The following CC2D2B variants were observed in gnomAD, a reference collection of about 807,000 sequenced individuals.
CC2D2B encodes the protein protein CC2D2B.
A neutral mutation model predicts 161.2 loss-of-function variants in CC2D2B; 128 were observed. The ratio of observed to expected loss-of-function variants is 0.79; its 90% CI spans 0.69 to 0.92. The LOEUF (loss-of-function observed/expected upper bound fraction) is 0.92. Ranked by LOEUF, CC2D2B falls within the 40% of genes least tolerant of loss-of-function variation. The probability of loss-of-function intolerance (pLI) is 0.00; values close to 1 mark genes in which losing one functional copy is unlikely to be tolerated. For missense variants in CC2D2B, 1,173 were observed against 1,375.1 expected (o/e 0.85, Z 2.32); for synonymous variants, 391 against 449.8 (o/e 0.87, Z 1.65).
At chr10:95,926,622 C>T (rs1017064883) in intron 5 of CC2D2B, among the ~76,000 whole-genome samples, 5 of 151,650 alleles carry the variant, frequency 3.3e-5, no homozygotes, top group Admixed American at 6.6e-5. Context: ...AGAATTGATT[C>T]CTTTCCCAAG....
chr10:95,999,875 G>C (rs1472488387), intron 24 of CC2D2B: 1 of 485,094 alleles, frequency 2.1e-6, no homozygotes, highest in African/African-American at 2.0e-5. Flanking sequence ...TGGCACTTCA[G>C]TTGAACCCAG....
chr10:95,999,938 G>A (rs530273165), intron 24 of CC2D2B: 16 of 541,902 alleles, frequency 3.0e-5, no homozygotes, highest in Non-Finnish European at 5.0e-5. Flanking sequence ...CGTGTTTCGG[G>A]AAGCTATCTC....
At chr10:95,963,798 T>C (rs2076849480) in intron 12 of CC2D2B, among the ~76,000 whole-genome samples, 2 of 152,170 alleles carry the variant, frequency 1.3e-5, no homozygotes, top group Non-Finnish European at 2.9e-5. Flanking sequence ...TGGAGGTTAT[T>C]GATAATCTCA....
chr10:95,925,128 G>A (rs1590363064), intron 5 of CC2D2B, among the ~76,000 whole-genome samples: 1 of 152,238 alleles, frequency 6.6e-6, no homozygotes, highest in East Asian at 1.9e-4. Context: ...AACATTAAAA[G>A]TTTAAAGAGT....
intron 15 of CC2D2B, among the ~76,000 whole-genome samples, chr10:95,969,866 G>C (rs1371274605): frequency 6.6e-6 from 1 of 152,002 alleles, no homozygotes; most frequent in South Asian, 2.1e-4. Flanking sequence ...AGGTAAATGT[G>C]TATTTTGAGT....
chr10:95,999,932 T>G, intron 24 of CC2D2B: 1 of 531,942 alleles, frequency 1.9e-6, no homozygotes, highest in Non-Finnish European at 3.5e-6. Flanking sequence ...CCTTCACGTG[T>G]TTCGGGAAGC....
chr10:95,961,655 T>A (rs998405727), intron 11 of CC2D2B, 174 bp from the exon 12 acceptor site: 3 of 387,504 alleles, frequency 7.7e-6, no homozygotes, highest in Non-Finnish European at 1.4e-5. Context: ...TCTAATGGAA[T>A]TGCAGTGGGT....
At position 96,019,746 on chromosome 10, in the gene CC2D2B, T is replaced by A. The variant is rs2079372023; in HGVS notation, c.3810T>A (p.Phe1270Leu). 1.2e-6 allele frequency: 2 copies of A among 1,601,482 alleles called. No individual in the cohort carries two copies. Among genetic ancestry groups the A allele is most frequent in the African/African-American group, 1.4e-5 (1 of 73,988 alleles). Reference sequence around the variant, plus strand: ...AAAATAATACACCAATGGCTGTATTTTTTGACTATTCAAAGGAAAGTTTCT... The same window carrying A: ...AAAATAATACACCAATGGCTGTATTATTTGACTATTCAAAGGAAAGTTTCT... ...IQQNNTPMAV[F>L]FDYSKESFWK... The change falls in exon 32 of 35, where the codon TTT (phenylalanine) becomes TTA (leucine). Residue 1270 changes from phenylalanine (F) to leucine (L), a missense_variant. By Grantham distance (22) the Phe-to-Leu change is conservative (BLOSUM62 0). Transcript: ENST00000646931.
chr10:95,995,461 G>C, intron 23 of CC2D2B, 96 bp downstream of exon 23: 1 of 627,770 alleles, frequency 1.6e-6, no homozygotes, highest in Non-Finnish European at 2.5e-6. Flanking sequence ...TATTTTCTTT[G>C]GCTTCCAGTT....
At chr10:95,981,622 C>T (rs1220267951) in intron 17 of CC2D2B, among the ~76,000 whole-genome samples, 9 of 152,134 alleles carry the variant, frequency 5.9e-5, no homozygotes, top group Non-Finnish European at 5.9e-5. Context: ...TAATAAGTTA[C>T]TATGCTTAGG....
At chr10:95,985,128 A>T (rs995213122) in intron 19 of CC2D2B, among the ~76,000 whole-genome samples, 1 of 152,252 alleles carries the variant, frequency 6.6e-6, no homozygotes, top group Non-Finnish European at 1.5e-5. Context: ...TTTTTGAATG[A>T]TATACAAAAG....
intron 26 of CC2D2B, among the ~76,000 whole-genome samples, chr10:96,011,021 A>G (rs1010466025): frequency 6.6e-6 from 1 of 152,232 alleles, no homozygotes; most frequent in African/African-American, 2.4e-5. Context: ...GTACAGTGTC[A>G]TAGTAGTACA....
At chr10:95,928,076 T>C (rs2098542740) in intron 6 of CC2D2B, among the ~76,000 whole-genome samples, 1 of 152,134 alleles carries the variant, frequency 6.6e-6, no homozygotes, top group Non-Finnish European at 1.5e-5. Context: ...TTGACACCTC[T>C]TGGTCCCTCC....
rs1407829861 is a variant in CC2D2B at position 95,943,557 on chromosome 10, A to AT, written c.801+4638dup. On this transcript the variant is annotated intron_variant, in intron 9 of 34. Coordinates refer to ENST00000646931, the MANE Select transcript of CC2D2B (RefSeq NM_001349008.3). Reference sequence around the variant, plus strand: ...TCTTAATTTTACATATTTTCAATACATTTTTTGCTTGAAAGTGTTCATTCG... The same window carrying AT: ...TCTTAATTTTACATATTTTCAATACATTTTTTTGCTTGAAAGTGTTCATTCG... Among the ~76,000 whole-genome samples the AT allele has an allele frequency of 5.3e-5, 8 of 152,150 alleles. No homozygotes were observed. The East Asian group carries it at 1.2e-3, about 22-fold the overall frequency.
intron 5 of CC2D2B, 56 bp from the exon 6 acceptor site, chr10:95,927,181 T>G (rs769071486): frequency 2.0e-6 from 2 of 980,296 alleles, no homozygotes; most frequent in Non-Finnish European, 3.1e-6. Context: ...AACTATTTCC[T>G]TTACTTATAA....
At chr10:95,988,131 C>T (rs1440665574) in intron 19 of CC2D2B, 119 bp from the exon 20 acceptor site, 13 of 403,704 alleles carry the variant, frequency 3.2e-5, no homozygotes, top group Non-Finnish European at 1.3e-5. Flanking sequence ...TTCTGTCAGT[C>T]TCAGAATGTT....
chr10:95,959,522 G>A (rs2141404365), intron 11 of CC2D2B, among the ~76,000 whole-genome samples: 1 of 152,278 alleles, frequency 6.6e-6, no homozygotes, highest in South Asian at 2.1e-4. Flanking sequence ...TGAGGTTACA[G>A]TATCCTTGAA....
chr10:95,927,369 T>C (rs1274201806), intron 6 of CC2D2B, 37 bp downstream of exon 6: 1 of 1,118,568 alleles, frequency 8.9e-7, no homozygotes, highest in African/African-American at 1.6e-5. Context: ...CATCTCACTC[T>C]CAGGAAAAAA....
chr10:95,988,904 G>A (rs2077839681), intron 20 of CC2D2B, among the ~76,000 whole-genome samples: 1 of 152,084 alleles, frequency 6.6e-6, no homozygotes, highest in Non-Finnish European at 1.5e-5. Flanking sequence ...TTAGTGCAGG[G>A]GCGACATCTA....
Sources: gnomAD v4.1 joint callset for allele counts (sites outside exome capture counted in the v4.1 genomes callset) on GRCh38, gnomAD v4.1.1 for gene constraint, MANE v1.5 for transcripts, NCBI Gene and HGNC (gene_info 2026-07-23, HGNC 2026-07-21) for gene names.